FSTL1: variants seen among roughly 807,000 people sequenced by gnomAD.
The protein encoded by FSTL1 is follistatin like 1.
In FSTL1, 24 loss-of-function variants were observed where a neutral mutation model predicts 45.9. The ratio of observed to expected loss-of-function variants is 0.52; its 90% CI spans 0.38 to 0.74. The LOEUF (loss-of-function observed/expected upper bound fraction) is 0.74. FSTL1 is among the 30% of genes least tolerant of loss of function. The pLI is 0.00. For missense variants in FSTL1, 340 were observed against 381.8 expected (o/e 0.89, Z 0.91); for synonymous variants, 120 against 137.6 (o/e 0.87, Z 0.89).
chr3:120,442,261 G>T (rs1338686901), intron 2 of FSTL1, among the ~76,000 whole-genome samples: 2 of 152,176 alleles, frequency 1.3e-5, no homozygotes. Context: ...CTTCGGGGAG[G>T]TTAAGTAACT....
chr3:120,411,805 T>G (rs764241520), intron 4 of FSTL1, 49 bp downstream of exon 4: 1 of 1,567,162 alleles, frequency 6.4e-7, no homozygotes, highest in South Asian at 1.1e-5. Context: ...CTCTGTTCCT[T>G]GGCTCCCCGT....
intron 2 of FSTL1, among the ~76,000 whole-genome samples, chr3:120,435,569 A>G (rs761094074): frequency 7.9e-5 from 12 of 152,194 alleles, no homozygotes; most frequent in Non-Finnish European, 1.3e-4. Context: ...GAATATGGCT[A>G]CTGTCACATC....
chr3:120,393,362 G>A lies in FSTL1; in HGVS notation c.*3590C>T, dbSNP rs1255820275. 6.6e-6 allele frequency: 1 copy of A among 152,180 alleles called. No homozygotes were observed. The highest frequency in any genetic ancestry group is 2.4e-5 in the African/African-American group (1 of 41,424). The allele number at this position is 152,180 out of a possible 1,614,324, so 9.4% of individuals were successfully genotyped here. A position where few individuals can be genotyped will look rare whatever the true frequency, so the allele number is the denominator to read the frequency against. ...GAGGCAGAATTATTGTGGGTGGAGA[G>A]TGCATGATACATATGAAAATGGCAG... On this transcript the variant is annotated 3_prime_UTR_variant, in exon 11 of 11. Transcript: ENST00000295633.
Position 120,396,025 on chromosome 3 carries a change from C to T in FSTL1, c.*927G>A. The stretch of plus-strand genomic sequence containing the variant: ...TTCCCCTGGCTTCGGTCTAAGGCAC[C>T]CTTGCTCCTCTGGCAGATAGTGGAC... On this transcript the variant is annotated 3_prime_UTR_variant, in exon 11 of 11. Transcript: ENST00000295633. 4.0e-6 allele frequency: 1 copy of T among 251,036 alleles called. No individual in the cohort carries two copies. Among genetic ancestry groups the T allele is most frequent in the South Asian group, 4.6e-5 (1 of 21,524 alleles). 15.6% of individuals were successfully genotyped at this position (251,036 alleles called of 1,614,324 possible).
At position 120,404,913 on chromosome 3, in the gene FSTL1, T is replaced by G. The variant is rs1936918467; in HGVS notation, c.521A>C (p.Gln174Pro). ...TGTAATATTGATGGCAGTTTCATTC[T>G]GTTCCACAAACTTCAGGAATTCACT... ...DSSEFLKFVE[Q>P]NETAINITTY... The change falls in exon 7 of 11, where the codon CAG becomes CCG. Residue 174 changes from glutamine (Q) to proline (P), a missense_variant. Transcript: ENST00000295633. 5.6e-6 allele frequency: 9 copies of G among 1,609,300 alleles called. No homozygotes were observed. Among genetic ancestry groups the G allele is most frequent in the Non-Finnish European group, 6.8e-6 (8 of 1,175,490 alleles).
rs191354231 is a variant in FSTL1 at position 120,429,225 on chromosome 3, G to A, written c.64-13198C>T. Among the ~76,000 whole-genome samples, 26 of 152,332 alleles carry A rather than the reference G, an allele frequency of 1.7e-4. 1 individual carries two copies. Among genetic ancestry groups the A allele is most frequent in the Admixed American group, 9.8e-4 (15 of 15,298 alleles). ...GGGCTCCCTTCAGAGGGCATCCAAAGGAAGGAATGAGGAACTCTCAGAGGA... is the reference window on the plus strand; with the variant it reads ...GGGCTCCCTTCAGAGGGCATCCAAAAGAAGGAATGAGGAACTCTCAGAGGA... On this transcript the variant is annotated intron_variant, in intron 2 of 10. Transcript: ENST00000295633.
intron 2 of FSTL1, among the ~76,000 whole-genome samples, chr3:120,439,916 C>T (rs928600300): frequency 6.6e-6 from 1 of 152,146 alleles, no homozygotes; most frequent in African/African-American, 2.4e-5. Flanking sequence ...GAGTTAGAGA[C>T]CAGCATGGGC....
chr3:120,429,487 C>T (rs1937441125), intron 2 of FSTL1, among the ~76,000 whole-genome samples: 1 of 152,180 alleles, frequency 6.6e-6, no homozygotes, highest in Non-Finnish European at 1.5e-5. Flanking sequence ...AATTACTAGG[C>T]TGCCTATGGG....
At chr3:120,450,653 C>T in intron 2 of FSTL1, 31 bp downstream of exon 2, 1 of 1,505,474 alleles carries the variant, frequency 6.6e-7, no homozygotes, top group Non-Finnish European at 8.9e-7. Flanking sequence ...GCCCCGGGGA[C>T]CGAGTTCGGA....
chr3:120,399,053 C>T (rs1377549691), intron 10 of FSTL1, among the ~76,000 whole-genome samples: 4 of 152,148 alleles, frequency 2.6e-5, no homozygotes, highest in Non-Finnish European at 4.4e-5. Context: ...TTACTCATGT[C>T]AAATATTTCA....
chr3:120,412,846 A>G (rs1325276316), intron 3 of FSTL1, among the ~76,000 whole-genome samples: 150 of 149,230 alleles, frequency 1.0e-3, no homozygotes, highest in Admixed American at 1.7e-3. Flanking sequence ...GCGCACACAC[A>G]CACACACACA....
chr3:120,399,366 C>T (rs1936770691), intron 10 of FSTL1, among the ~76,000 whole-genome samples: 1 of 152,170 alleles, frequency 6.6e-6, no homozygotes, highest in African/African-American at 2.4e-5. Context: ...TCTTTGTTAA[C>T]CCCAGGCTAT....
rs1936696219 is a variant in FSTL1, at chr3:120,396,237, A to G, written c.*715T>C. Reference sequence around the variant, plus strand: ...CAAGAAAATAAAATATTAAAAAACAATAATATAATGATAATAATTGAAGAA... The same window carrying G: ...CAAGAAAATAAAATATTAAAAAACAGTAATATAATGATAATAATTGAAGAA... On this transcript the variant is annotated 3_prime_UTR_variant, in exon 11 of 11. Transcript: ENST00000295633. The G allele has an allele frequency of 6.6e-6, 1 of 152,298 alleles. No homozygotes were observed. The allele number at this position is 152,298 out of a possible 1,614,324, so 9.4% of individuals were successfully genotyped here. A position where few individuals can be genotyped will look rare whatever the true frequency, so the allele number is the denominator to read the frequency against.
intron 2 of FSTL1, among the ~76,000 whole-genome samples, chr3:120,418,560 T>C (rs1937225960): frequency 6.6e-6 from 1 of 152,174 alleles, no homozygotes. Flanking sequence ...GCAGTTTATA[T>C]TTGATTTATT....
At chr3:120,414,406 A>G (rs1246505698) in intron 3 of FSTL1, among the ~76,000 whole-genome samples, 16 of 149,908 alleles carry the variant, frequency 1.1e-4, no homozygotes, top group Admixed American at 2.0e-4. Flanking sequence ...CCATCGTCTG[A>G]GATGTGGGGA....
rs534542500 is a variant in FSTL1 at position 120,432,732 on chromosome 3, C to T, written c.64-16705G>A. On this transcript the variant is annotated intron_variant, in intron 2 of 10. Coordinates refer to ENST00000295633, the MANE Select transcript of FSTL1 (RefSeq NM_007085.5). ...ACATATTTAACTGTTTGGGGTCACC[C>T]TGAGGAACTCCCAACTCCACTGAAA... Among the ~76,000 whole-genome samples, 103 of 152,316 alleles carry T rather than the reference C, an allele frequency of 6.8e-4. 1 individual carries two copies. In the South Asian group the frequency reaches 0.021, roughly 32 times the overall value.
chr3:120,410,677 G>T, intron 5 of FSTL1: 1 of 572,478 alleles, frequency 1.7e-6, no homozygotes, highest in Non-Finnish European at 3.4e-6. Context: ...AATGAACTCA[G>T]TGGCTTTCCT....
At chr3:120,447,723 A>T (rs1334397866) in intron 2 of FSTL1, among the ~76,000 whole-genome samples, 1 of 152,218 alleles carries the variant, frequency 6.6e-6, no homozygotes, top group Non-Finnish European at 1.5e-5. Flanking sequence ...ATCACGGCTC[A>T]CTGCAGCCTC....
At chr3:120,421,030 C>G (rs776881111) in intron 2 of FSTL1, 1 of 152,164 alleles carries the variant, frequency 6.6e-6, no homozygotes, top group East Asian at 1.9e-4. Context: ...TAGAGGTGAT[C>G]GTGCATCTGA....
Sources: gnomAD v4.1 joint callset for allele counts (sites outside exome capture counted in the v4.1 genomes callset) on GRCh38, gnomAD v4.1.1 for gene constraint, MANE v1.5 for transcripts, NCBI Gene and HGNC (gene_info 2026-07-23, HGNC 2026-07-21) for gene names.